HIBCH: variants seen among roughly 807,000 people sequenced by gnomAD.
HIBCH encodes the protein 3-hydroxyisobutyryl-CoA hydrolase, also known as 3-hydroxyisobutyryl-CoA hydrolase, mitochondrial.
A neutral mutation model predicts 58.2 loss-of-function variants in HIBCH; 50 were observed. The observed-to-expected ratio is 0.86, with a 90% confidence interval of 0.68 to 1.09. The LOEUF is 1.09. Ranked by LOEUF, HIBCH falls within the 50% of genes least tolerant of loss-of-function variation. The pLI, the probability that HIBCH is intolerant of heterozygous loss-of-function variation, is 0.00. For missense variants in HIBCH, 450 were observed against 449.7 expected, an observed-to-expected ratio of 1.00 and a Z score of -0.01; for synonymous variants, 151 against 146.9, an observed-to-expected ratio of 1.03 and a Z score of -0.20.
At chr2:190,295,215 C>T (rs1194517199) in intron 3 of HIBCH, among the ~76,000 whole-genome samples, 3 of 152,154 alleles carry the variant, frequency 2.0e-5, no homozygotes, top group African/African-American at 7.2e-5. Flanking sequence ...AAATTAGTTA[C>T]CCACAGACAG....
Position 190,208,338 on chromosome 2 carries a change from T to TA in HIBCH, c.1045+541dup, listed in dbSNP as rs560145063. Among the ~76,000 whole-genome samples, 690 of 152,234 alleles carry TA rather than the reference T, an allele frequency of 4.5e-3. 3 individuals are homozygous for TA. The highest frequency in any genetic ancestry group is 0.018 in the South Asian group (89 of 4,822). On this transcript the variant is annotated intron_variant, in intron 13 of 13. Transcript: ENST00000359678. ...GATTTGAGGGCTTTTTGTAAGGTAATAAATGCATGTTTCAAAGGCCACAGC... is the reference window on the plus strand; with the variant it reads ...GATTTGAGGGCTTTTTGTAAGGTAATAAAATGCATGTTTCAAAGGCCACAGC...
rs115957416 is a variant in HIBCH at position 190,274,148 on chromosome 2, G to A, written c.439-12914C>T. ...AAATAAATGTTGTTATGAAAAACCC[G>A]GCACTTTATTATTTAATTAAAAAAT... On this transcript the variant is annotated intron_variant, in intron 6 of 13. Transcript: ENST00000359678. 6.8e-3 allele frequency among the ~76,000 whole-genome samples: 1,033 copies of A among 152,148 alleles called. 13 individuals are homozygous for A. The highest frequency in any genetic ancestry group is 0.023 in the African/African-American group (936 of 41,474).
intron 2 of HIBCH, 38 bp downstream of exon 2, chr2:190,310,716 A>C: frequency 6.6e-7 from 1 of 1,524,216 alleles, no homozygotes; most frequent in Non-Finnish European, 9.1e-7. Context: ...TAAGTTACAC[A>C]TACAAATAAT....
At chr2:190,249,500 T>A in intron 9 of HIBCH, 140 bp downstream of exon 9, 1 of 601,386 alleles carries the variant, frequency 1.7e-6, no homozygotes, top group East Asian at 2.9e-5. Flanking sequence ...GCACTGATTC[T>A]TCTGCCACGC....
At chr2:190,282,744 G>GT (rs1687735142) in intron 6 of HIBCH, among the ~76,000 whole-genome samples, 2 of 150,342 alleles carry the variant, frequency 1.3e-5, no homozygotes, top group South Asian at 4.2e-4. Flanking sequence ...CCAGCCTGTT[G>GT]TTTACTCTTT....
chr2:190,246,017 A>C, intron 10 of HIBCH, 137 bp downstream of exon 10: 4 of 534,122 alleles, frequency 7.5e-6, no homozygotes, highest in Non-Finnish European at 9.9e-6. Flanking sequence ...AAGGAAGGAA[A>C]GCTCTATACT....
In HIBCH at chr2:190,306,123, AAC is replaced by A. The variant is rs1489611424; in HGVS notation, c.78+4629_78+4630del. Reference sequence around the variant, plus strand: ...TTTCTATGTTTCTATGGTAAAACAAAACACACACACAGACAACCACCGAAAGT... The same window carrying A: ...TTTCTATGTTTCTATGGTAAAACAAAACACACACAGACAACCACCGAAAGT... On this transcript the variant is annotated intron_variant, in intron 2 of 13. Transcript: ENST00000359678. This position sits in a 1 kb window ranked among gnomAD's most constrained non-coding sequence, Gnocchi z 4.6. Among the ~76,000 whole-genome samples, 10 of 152,232 alleles carry A rather than the reference AAC, an allele frequency of 6.6e-5. No homozygotes were observed. Among genetic ancestry groups the A allele is most frequent in the South Asian group, 6.2e-4 (3 of 4,820 alleles).
Position 190,222,421 on chromosome 2 carries a change from GA to G in HIBCH, c.892-9347del, listed in dbSNP as rs930196020. Among the ~76,000 whole-genome samples, 321 of 137,358 alleles carry G rather than the reference GA, an allele frequency of 2.3e-3. 4 individuals carry two copies. The highest frequency in any genetic ancestry group is 7.2e-3 in the African/African-American group (268 of 37,480). 90.1% of individuals were successfully genotyped at this position (137,358 alleles called of 152,430 possible). On this transcript the variant is annotated intron_variant, in intron 11 of 13. Coordinates refer to ENST00000359678, the MANE Select transcript of HIBCH (RefSeq NM_014362.4). The stretch of plus-strand genomic sequence containing the variant: ...AAAGGCTGAAGAAGTCAAAAAGGAG[GA>G]AAAAAAAAAAACCCAAGAAGAGAAC...
At position 190,279,259 on chromosome 2, in the gene HIBCH, C is replaced by A. The variant is rs1411511012; in HGVS notation, c.438+8327G>T. ...TCATGACCCCATCACCTCTTGAAGG[C>A]CTCACTTCTTAATACTGTTACATTC... is the stretch of plus-strand genomic sequence containing the variant. On this transcript the variant is annotated intron_variant, in intron 6 of 13. Transcript: ENST00000359678. The surrounding 1 kb of genome is among the most constrained non-coding windows in gnomAD (Gnocchi z 4.2). Among the ~76,000 whole-genome samples the A allele has an allele frequency of 2.0e-5, 3 of 152,154 alleles. No individual in the cohort carries two copies. The highest frequency in any genetic ancestry group is 7.2e-5 in the African/African-American group (3 of 41,436).
At chr2:190,256,061 C>A (rs1686913585) in intron 7 of HIBCH, among the ~76,000 whole-genome samples, 1 of 151,984 alleles carries the variant, frequency 6.6e-6, no homozygotes, top group South Asian at 2.1e-4. Flanking sequence ...GGGGGAAGAG[C>A]CCCTTATAAA....
At chr2:190,298,511 GCTT>G (rs1688171893) in intron 2 of HIBCH, among the ~76,000 whole-genome samples, 1 of 152,100 alleles carries the variant, frequency 6.6e-6, no homozygotes, top group South Asian at 2.1e-4. Flanking sequence ...GTAATAATGA[GCTT>G]TTTTTCATGT....
chr2:190,227,734 A>C (rs1443921724), intron 11 of HIBCH, among the ~76,000 whole-genome samples: 3 of 152,194 alleles, frequency 2.0e-5, no homozygotes, highest in Non-Finnish European at 4.4e-5. Context: ...ACCCCATCAA[A>C]AAGTGGGCAA....
At position 190,293,227 on chromosome 2, in the gene HIBCH, G is replaced by A. The variant is rs376554065; in HGVS notation, c.304+1319C>T. Reference sequence around the variant, plus strand: ...ATGTTGTTGGGAGGCCGAGGCAGGCGGATCGCCTGAGATCAGGAGTTCAAG... The same window carrying A: ...ATGTTGTTGGGAGGCCGAGGCAGGCAGATCGCCTGAGATCAGGAGTTCAAG... On this transcript the variant is annotated intron_variant, in intron 4 of 13. Transcript: ENST00000359678. 7.5e-4 allele frequency among the ~76,000 whole-genome samples: 114 copies of A among 152,232 alleles called. 1 individual carries two copies. Among genetic ancestry groups the A allele is most frequent in the Non-Finnish European group, 1.3e-3 (89 of 68,010 alleles).
intron 6 of HIBCH, among the ~76,000 whole-genome samples, chr2:190,282,710 T>TA (rs1394487285): frequency 3.3e-5 from 5 of 151,156 alleles, no homozygotes; most frequent in East Asian, 1.9e-4. Context: ...ACCCCACTAC[T>TA]AAAAAAAAAG....
intron 1 of HIBCH, among the ~76,000 whole-genome samples, chr2:190,198,520 T>C (rs1453154965): frequency 6.7e-6 from 1 of 150,286 alleles, no homozygotes; most frequent in Non-Finnish European, 1.5e-5. Context: ...GCAGGCCAGC[T>C]ACTCAGTGGG....
intron 9 of HIBCH, 144 bp from the exon 10 acceptor site, chr2:190,246,356 G>A (rs1052368337): frequency 8.2e-6 from 5 of 611,430 alleles, no homozygotes; most frequent in South Asian, 2.0e-5. Flanking sequence ...AATAACTACC[G>A]CTGTATGATC....
rs1379835074 is a variant in HIBCH, at chr2:190,240,984, A to G, written c.891+3903T>C. The stretch of plus-strand genomic sequence containing the variant: ...GGGGTAGAGAGTTCTACAGATGTCT[A>G]TTAGGTCCACTTGGTCCAGAGCTGA... On this transcript the variant is annotated intron_variant, in intron 11 of 13. Coordinates refer to ENST00000359678, the MANE Select transcript of HIBCH (RefSeq NM_014362.4). Among the ~76,000 whole-genome samples, 4 of 152,354 alleles carry G rather than the reference A, an allele frequency of 2.6e-5. No homozygotes were observed. In the East Asian group the frequency reaches 7.7e-4, roughly 29 times the overall value.
At chr2:190,294,491 TTGATCAGTTCTAGTAGGGGGAA>T (rs1688052800) in intron 4 of HIBCH, 33 bp downstream of exon 4, 9 of 1,112,720 alleles carry the variant, frequency 8.1e-6, no homozygotes, top group Middle Eastern at 2.4e-4. Context: ...TTGACAATAC[TTGATCAGTTCTAGTAGGGGGAA>T]AGAGCACTCA....
At chr2:190,296,240 GA>G (rs929444401) in intron 3 of HIBCH, among the ~76,000 whole-genome samples, 17 of 152,150 alleles carry the variant, frequency 1.1e-4, no homozygotes, top group Non-Finnish European at 2.4e-4. Flanking sequence ...CTAACACGGT[GA>G]AACCCCGTCT....
Sources: allele counts gnomAD v4.1 joint callset (sites outside exome capture counted in the v4.1 genomes callset), GRCh38; gene constraint gnomAD v4.1.1; non-coding constraint Gnocchi (gnomAD v3.1); transcripts MANE v1.5; gene names NCBI Gene and HGNC (gene_info 2026-07-23, HGNC 2026-07-21).